Variants in FBXL17 observed in about 807,000 individuals in gnomAD.
The protein encoded by FBXL17 is F-box and leucine rich repeat protein 17.
Under a neutral mutation model 66.2 loss-of-function variants are expected in FBXL17, and 22 were observed. That is an observed-to-expected ratio of 0.33 (90% CI 0.24 to 0.47). The LOEUF is 0.47. Ranked by LOEUF, FBXL17 falls within the 20% of genes least tolerant of loss-of-function variation. The pLI is 1.00. For synonymous variants in FBXL17, 474 were observed against 400.5 expected (o/e 1.18, Z -2.19); for missense variants, 878 against 948.2 (o/e 0.93, Z 0.97).
chr5:108,174,450 T>C (rs2150019908), intron 6 of FBXL17, among the ~76,000 whole-genome samples: 1 of 152,216 alleles, frequency 6.6e-6, no homozygotes, highest in South Asian at 2.1e-4. Flanking sequence ...TAGCCTAAAT[T>C]AATTGCTTTG....
intron 4 of FBXL17, among the ~76,000 whole-genome samples, chr5:108,286,220 G>A (rs930381358): frequency 6.6e-6 from 1 of 151,858 alleles, no homozygotes; most frequent in African/African-American, 2.4e-5. Context: ...CATTCTCCTG[G>A]AAAACCAGAA....
intron 5 of FBXL17, among the ~76,000 whole-genome samples, chr5:108,191,093 C>T (rs1753452556): frequency 6.6e-6 from 1 of 152,198 alleles, no homozygotes; most frequent in Non-Finnish European, 1.5e-5. Context: ...AATTTTGCTA[C>T]TTGTAGCTAT....
intron 6 of FBXL17, among the ~76,000 whole-genome samples, chr5:108,164,855 C>A (rs899900720): frequency 6.6e-6 from 1 of 152,328 alleles, no homozygotes; most frequent in East Asian, 1.9e-4. Context: ...ATGCTCGTAT[C>A]TACTACAGTA....
At chr5:108,270,404 A>T (rs1757217832) in intron 4 of FBXL17, among the ~76,000 whole-genome samples, 1 of 150,334 alleles carries the variant, frequency 6.7e-6, no homozygotes, top group South Asian at 2.1e-4. Context: ...ATATTTATTT[A>T]TAACTATATG....
chr5:108,185,020 T>C (rs1753171084), intron 6 of FBXL17, among the ~76,000 whole-genome samples: 1 of 152,180 alleles, frequency 6.6e-6, no homozygotes, highest in South Asian at 2.1e-4. Flanking sequence ...GTTTTCATTA[T>C]AATAGTCTAC....
chr5:108,275,949 T>C (rs1253533800), intron 4 of FBXL17, among the ~76,000 whole-genome samples: 1 of 152,106 alleles, frequency 6.6e-6, no homozygotes, highest in Admixed American at 6.5e-5. Context: ...TGCATATAGA[T>C]TTACCCTTCA....
intron 5 of FBXL17, among the ~76,000 whole-genome samples, chr5:108,192,218 A>G (rs1475842152): frequency 6.6e-6 from 1 of 152,226 alleles, no homozygotes; most frequent in Non-Finnish European, 1.5e-5. Context: ...ACATTTAGGA[A>G]ACTGACATTT....
intron 4 of FBXL17, among the ~76,000 whole-genome samples, chr5:108,281,121 CA>C (rs887017273): frequency 1.3e-5 from 2 of 151,456 alleles, no homozygotes; most frequent in African/African-American, 2.4e-5. Flanking sequence ...ATAATCAGTA[CA>C]AAAAAATGAT....
At chr5:107,935,305 T>C (rs1317106470) in intron 7 of FBXL17, among the ~76,000 whole-genome samples, 1 of 152,080 alleles carries the variant, frequency 6.6e-6, no homozygotes, top group Non-Finnish European at 1.5e-5. Context: ...GTTACTGCTA[T>C]GCCTAAGCTT....
intron 4 of FBXL17, among the ~76,000 whole-genome samples, chr5:108,319,455 A>G (rs1182762689): frequency 6.6e-6 from 1 of 151,888 alleles, no homozygotes; most frequent in African/African-American, 2.4e-5. Flanking sequence ...TGTAATGCAA[A>G]TGCATTAACA....
At position 108,381,883 on chromosome 5, in the gene FBXL17, G is replaced by C. The variant is rs1039239991; in HGVS notation, c.-192C>G. The C allele has an allele frequency of 3.9e-6, 5 of 1,293,496 alleles. No individual in the cohort carries two copies. The African/African-American group carries it at 7.7e-5, about 20-fold the overall frequency. 80.1% of individuals were successfully genotyped at this position (1,293,496 alleles called of 1,614,324 possible). A position where few individuals can be genotyped will look rare whatever the true frequency, so the allele number is the denominator to read the frequency against. Reference sequence around the variant, plus strand: ...TCAGCTGCGGGCCGCCGGAGTGCCCGACGGGGGCTACATGCTTTGCCCAGG... The same window carrying C: ...TCAGCTGCGGGCCGCCGGAGTGCCCCACGGGGGCTACATGCTTTGCCCAGG... On this transcript the variant is annotated 5_prime_UTR_variant, in exon 1 of 9. Coordinates refer to ENST00000542267, the MANE Select transcript of FBXL17 (RefSeq NM_001163315.3).
intron 7 of FBXL17, among the ~76,000 whole-genome samples, chr5:108,011,774 A>G (rs2112741286): frequency 6.6e-6 from 1 of 152,312 alleles, no homozygotes; most frequent in African/African-American, 2.4e-5. Flanking sequence ...CAGTGAGTTA[A>G]GATCTCGCCA....
At chr5:108,087,491 G>A (rs1201153189) in intron 6 of FBXL17, among the ~76,000 whole-genome samples, 1 of 151,968 alleles carries the variant, frequency 6.6e-6, no homozygotes, top group African/African-American at 2.4e-5. Flanking sequence ...TGTTGGGTTG[G>A]CCAACACATC....
intron 4 of FBXL17, among the ~76,000 whole-genome samples, chr5:108,259,861 G>A (rs7726195): frequency 8.6e-5 from 13 of 152,020 alleles, no homozygotes; most frequent in African/African-American, 2.9e-4. Flanking sequence ...TGGCACTAAC[G>A]GTTTTTAAAA....
chr5:108,229,187 A>C (rs1001340177), intron 4 of FBXL17, among the ~76,000 whole-genome samples: 9 of 152,220 alleles, frequency 5.9e-5, no homozygotes, highest in South Asian at 2.1e-4. Context: ...ATCATTCTTC[A>C]CAAAACTAGA....
In FBXL17 at chr5:108,351,965, A is replaced by G. The variant is rs555952626; in HGVS notation, c.1375-3435T>C. On this transcript the variant is annotated intron_variant, in intron 3 of 8. Coordinates refer to ENST00000542267, the MANE Select transcript of FBXL17 (RefSeq NM_001163315.3). The stretch of plus-strand genomic sequence containing the variant: ...TTTAAACTGACTACATGGTGTTTTG[A>G]CATTGAAAAGTAGCTTTGGTGGCTT... 2.4e-4 allele frequency among the ~76,000 whole-genome samples: 36 copies of G among 152,390 alleles called. No individual in the cohort carries two copies. The East Asian group carries it at 6.9e-3, about 29-fold the overall frequency.
chr5:107,875,693 G>A (rs1432891950), intron 8 of FBXL17, among the ~76,000 whole-genome samples: 3 of 152,312 alleles, frequency 2.0e-5, no homozygotes, highest in East Asian at 1.9e-4. Context: ...CTTATGTCCT[G>A]TAGAATACAG....
At chr5:108,285,208 A>T (rs1757850043) in intron 4 of FBXL17, among the ~76,000 whole-genome samples, 1 of 151,818 alleles carries the variant, frequency 6.6e-6, no homozygotes, top group African/African-American at 2.4e-5. Flanking sequence ...TTTCTACCAG[A>T]TCTACAGTTA....
rs889905880 is a variant in FBXL17, at chr5:108,353,002, G to T, written c.1375-4472C>A. ...TATTCTAGATGATCCAAGTTAGAGG[G>T]ATTTGGGAAACACCTTGGGCTTTCC... On this transcript the variant is annotated intron_variant, in intron 3 of 8. Transcript: ENST00000542267. Among the ~76,000 whole-genome samples, 8 of 152,060 alleles carry T rather than the reference G, an allele frequency of 5.3e-5. No homozygotes were observed. In the East Asian group the frequency reaches 1.4e-3, roughly 26 times the overall value.
Sources: gnomAD v4.1 joint callset for allele counts (sites outside exome capture counted in the v4.1 genomes callset) on GRCh38, gnomAD v4.1.1 for gene constraint, MANE v1.5 for transcripts, NCBI Gene and HGNC (gene_info 2026-07-23, HGNC 2026-07-21) for gene names.